Variants in LRRC4C observed in about 807,000 individuals in gnomAD.
LRRC4C encodes the protein leucine rich repeat containing 4C.
Under a neutral mutation model 33.6 loss-of-function variants are expected in LRRC4C, and 5 were observed. That is an observed-to-expected ratio of 0.15 (90% CI 0.08 to 0.31). LRRC4C has a LOEUF of 0.31. Among genes scored for constraint, LRRC4C ranks in the 10% least tolerant of loss-of-function variants. LRRC4C has a pLI of 1.00. For synonymous variants in LRRC4C, 329 were observed against 302.0 expected, an observed-to-expected ratio of 1.09 and a Z score of -0.93; for missense variants, 560 against 796.7, an observed-to-expected ratio of 0.70 and a Z score of 3.58.
chr11:40,773,542 C>G (rs1049050172), intron 2 of LRRC4C, among the ~76,000 whole-genome samples: 36 of 151,762 alleles, frequency 2.4e-4, no homozygotes, highest in African/African-American at 8.4e-4. Flanking sequence ...GAAAAAAATT[C>G]AAAATATCCA....
intron 5 of LRRC4C, among the ~76,000 whole-genome samples, chr11:40,146,361 C>A (rs897471178): frequency 2.6e-5 from 4 of 152,082 alleles, no homozygotes; most frequent in Admixed American, 2.6e-4. Context: ...ATACACCTAA[C>A]AATAACAATA....
chr11:40,544,161 A>G (rs1401215474), intron 3 of LRRC4C, among the ~76,000 whole-genome samples: 1 of 152,102 alleles, frequency 6.6e-6, no homozygotes, highest in Admixed American at 6.6e-5. Context: ...TTAAACTTTC[A>G]TAAAGTAACT....
At chr11:41,320,011 T>C (rs1310134479) in intron 1 of LRRC4C, among the ~76,000 whole-genome samples, 1 of 152,086 alleles carries the variant, frequency 6.6e-6, no homozygotes, top group African/African-American at 2.4e-5. Flanking sequence ...AAAGAATCAA[T>C]ACAAATAGAG....
intron 3 of LRRC4C, among the ~76,000 whole-genome samples, chr11:40,534,698 T>A (rs1291704566): frequency 6.6e-6 from 1 of 152,198 alleles, no homozygotes; most frequent in Non-Finnish European, 1.5e-5. Flanking sequence ...TAGGCCTCAA[T>A]GGGCTCAGAA....
At chr11:40,564,700 C>T (rs552459526) in intron 3 of LRRC4C, among the ~76,000 whole-genome samples, 54 of 152,210 alleles carry the variant, frequency 3.5e-4, no homozygotes, top group Admixed American at 9.2e-4. Flanking sequence ...TACATTCTTC[C>T]AGATTAGAGG....
intron 2 of LRRC4C, among the ~76,000 whole-genome samples, chr11:40,779,806 C>G (rs987085605): frequency 5.0e-4 from 76 of 152,122 alleles, no homozygotes; most frequent in Non-Finnish European, 2.5e-4. Context: ...TGATAAAGGA[C>G]TGGGTGTAAT....
intron 2 of LRRC4C, among the ~76,000 whole-genome samples, chr11:40,865,511 GTATATATA>G (rs68153820): frequency 6.8e-6 from 1 of 147,028 alleles, no homozygotes. Context: ...TCCACAGTGT[GTATATATA>G]TATATATATA....
At chr11:40,209,332 T>C (rs932197776) in intron 5 of LRRC4C, among the ~76,000 whole-genome samples, 9 of 152,114 alleles carry the variant, frequency 5.9e-5, no homozygotes, top group African/African-American at 1.2e-4. Context: ...CTTCAAAAGA[T>C]ATAAATAGTA....
intron 1 of LRRC4C, among the ~76,000 whole-genome samples, chr11:40,942,234 G>T (rs1050328052): frequency 3.9e-5 from 6 of 152,108 alleles, no homozygotes; most frequent in African/African-American, 1.4e-4. Context: ...GTCATTGACT[G>T]GAAGCAGCTC....
chr11:41,186,847 G>A (rs1449045476), intron 1 of LRRC4C, among the ~76,000 whole-genome samples: 1 of 152,036 alleles, frequency 6.6e-6, no homozygotes, highest in Non-Finnish European at 1.5e-5. Flanking sequence ...TGTTTCCTAA[G>A]GATTTTCTAT....
At chr11:40,786,353 A>G (rs1172779176) in intron 2 of LRRC4C, among the ~76,000 whole-genome samples, 4 of 152,132 alleles carry the variant, frequency 2.6e-5, no homozygotes, top group African/African-American at 7.2e-5. Context: ...TGTGCAGTTG[A>G]GCTTGCCATA....
intron 3 of LRRC4C, among the ~76,000 whole-genome samples, chr11:40,474,213 G>A (rs1191203300): frequency 6.6e-6 from 1 of 152,078 alleles, no homozygotes; most frequent in Non-Finnish European, 1.5e-5. Flanking sequence ...AAAACAGCAT[G>A]GTACTGGTAC....
chr11:40,518,131 A>G (rs1402100375), intron 3 of LRRC4C, among the ~76,000 whole-genome samples: 1 of 152,230 alleles, frequency 6.6e-6, no homozygotes, highest in Non-Finnish European at 1.5e-5. Context: ...AAAGACTTAA[A>G]TGTAAGACCT....
At chr11:40,989,835 A>G (rs1853377443) in intron 1 of LRRC4C, among the ~76,000 whole-genome samples, 1 of 152,094 alleles carries the variant, frequency 6.6e-6, no homozygotes, top group South Asian at 2.1e-4. Flanking sequence ...CTTCCCATCC[A>G]CAGATTAAAC....
In LRRC4C at chr11:40,114,850, C is replaced by G. The variant is rs538453413; in HGVS notation, c.1443G>C (p.Val481=). The stretch of plus-strand genomic sequence containing the variant: ...TCACATTGGTGGTCTCCCAGTCGAC[C>G]ACTGGAGTGGGACCCACATTGTTAT... ...TTDNNVGPTP[V]VDWETTNVTT... The change falls in exon 7 of 7, where the codon GTG becomes GTC. Residue 481 remains valine, a synonymous_variant. Transcript: ENST00000528697. 1 of 1,614,142 alleles carries G rather than the reference C, an allele frequency of 6.2e-7. No individual in the cohort carries two copies. Among genetic ancestry groups the G allele is most frequent in the Non-Finnish European group, 8.5e-7 (1 of 1,179,998 alleles).
At chr11:41,069,177 T>C (rs767540715) in intron 1 of LRRC4C, among the ~76,000 whole-genome samples, 2 of 152,174 alleles carry the variant, frequency 1.3e-5, no homozygotes, top group Admixed American at 6.5e-5. Context: ...AACACTTGAT[T>C]ATTCTAATAG....
intron 2 of LRRC4C, among the ~76,000 whole-genome samples, chr11:40,720,837 A>G (rs1946975996): frequency 6.6e-6 from 1 of 152,202 alleles, no homozygotes; most frequent in Non-Finnish European, 1.5e-5. Flanking sequence ...ATTCATGAGC[A>G]AAGAGTATAA....
intron 1 of LRRC4C, among the ~76,000 whole-genome samples, chr11:41,242,899 C>T (rs1489051431): frequency 2.0e-5 from 3 of 152,098 alleles, no homozygotes; most frequent in African/African-American, 7.2e-5. Flanking sequence ...ATTTAATGCT[C>T]TTTTCCCCTA....
intron 3 of LRRC4C, among the ~76,000 whole-genome samples, chr11:40,554,137 C>G (rs1487164405): frequency 6.6e-6 from 1 of 152,122 alleles, no homozygotes; most frequent in Non-Finnish European, 1.5e-5. Context: ...AGTATGGGTC[C>G]AATTTCAATC....
Sources: allele counts gnomAD v4.1 joint callset (sites outside exome capture counted in the v4.1 genomes callset), GRCh38; gene constraint gnomAD v4.1.1; transcripts MANE v1.5; gene names NCBI Gene and HGNC (gene_info 2026-07-23, HGNC 2026-07-21).